The following DSCAML1 variants were observed in gnomAD, a reference collection of about 807,000 sequenced individuals.
The protein encoded by DSCAML1 is DS cell adhesion molecule like 1.
DSCAML1 carries 38 observed loss-of-function variants against 200.5 expected under a neutral mutation model. That is an observed-to-expected ratio of 0.19 (90% CI 0.15 to 0.25). The LOEUF (loss-of-function observed/expected upper bound fraction) is 0.25, where lower values mean the gene tolerates loss of function less well. DSCAML1 is among the 10% of genes least tolerant of loss of function. The pLI, the probability that DSCAML1 is intolerant of heterozygous loss-of-function variation, is 1.00. For missense variants in DSCAML1, 2,223 were observed against 2,858.8 expected, an observed-to-expected ratio of 0.78 and a Z score of 5.07; for synonymous variants, 1,215 against 1,165.0, an observed-to-expected ratio of 1.04 and a Z score of -0.87.
chr11:117,728,943 C>A (rs886585388), intron 3 of DSCAML1, among the ~76,000 whole-genome samples: 2 of 152,144 alleles, frequency 1.3e-5, no homozygotes, highest in African/African-American at 4.8e-5. Context: ...TAAAGAATTG[C>A]AATGGGCTCA....
intron 3 of DSCAML1, among the ~76,000 whole-genome samples, chr11:117,536,281 G>A (rs535813245): frequency 1.3e-5 from 2 of 152,324 alleles, no homozygotes; most frequent in African/African-American, 2.4e-5. Context: ...GGAGAGCGGA[G>A]GGAGGCCCGG....
At chr11:117,619,129 G>C (rs1192557043) in intron 3 of DSCAML1, among the ~76,000 whole-genome samples, 1 of 152,212 alleles carries the variant, frequency 6.6e-6, no homozygotes, top group African/African-American at 2.4e-5. Context: ...CAGCCCATCT[G>C]TTCAGTCCCA....
intron 3 of DSCAML1, among the ~76,000 whole-genome samples, chr11:117,718,097 G>A (rs1209662008): frequency 2.0e-5 from 3 of 152,238 alleles, no homozygotes; most frequent in Admixed American, 6.5e-5. Context: ...CTGCACGTCC[G>A]TGGCAGGCGG....
chr11:117,440,765 C>G (rs1211489079), intron 21 of DSCAML1, among the ~76,000 whole-genome samples: 1 of 151,846 alleles, frequency 6.6e-6, no homozygotes, highest in Non-Finnish European at 1.5e-5. Flanking sequence ...ACTAGAAATA[C>G]AAAAAATTAG....
At chr11:117,690,578 G>A (rs2053477480) in intron 3 of DSCAML1, among the ~76,000 whole-genome samples, 1 of 152,210 alleles carries the variant, frequency 6.6e-6, no homozygotes, top group African/African-American at 2.4e-5. Flanking sequence ...TTACAGACAG[G>A]ACATGAGGTT....
chr11:117,597,036 A>G (rs2051373565), intron 3 of DSCAML1, among the ~76,000 whole-genome samples: 1 of 152,172 alleles, frequency 6.6e-6, no homozygotes, highest in Non-Finnish European at 1.5e-5. Flanking sequence ...ATAAATTTTT[A>G]TTATTATTGG....
chr11:117,459,097 A>G (rs2048429395), intron 18 of DSCAML1, among the ~76,000 whole-genome samples, 188 bp from the exon 19 acceptor site: 1 of 152,200 alleles, frequency 6.6e-6, no homozygotes, highest in Non-Finnish European at 1.5e-5. Flanking sequence ...CCCCCAGGCC[A>G]CGTCTCTCTA....
chr11:117,546,725 G>C (rs966483386), intron 3 of DSCAML1, among the ~76,000 whole-genome samples: 3 of 152,062 alleles, frequency 2.0e-5, no homozygotes, highest in African/African-American at 7.2e-5. Context: ...ATCTGGGGGA[G>C]GGGGTGCAGA....
At chr11:117,606,506 ACT>A (rs1441402121) in intron 3 of DSCAML1, among the ~76,000 whole-genome samples, 11 of 152,144 alleles carry the variant, frequency 7.2e-5, no homozygotes, top group South Asian at 2.1e-4. Flanking sequence ...AAATAAATGC[ACT>A]CTGTTTTTCA....
chr11:117,558,256 G>A (rs185783780), intron 3 of DSCAML1, among the ~76,000 whole-genome samples: 202 of 152,276 alleles, frequency 1.3e-3, no homozygotes, highest in African/African-American at 4.8e-3. Flanking sequence ...GAAATTTCAC[G>A]AAACGTGAGC....
At chr11:117,547,358 C>T (rs947779060) in intron 3 of DSCAML1, among the ~76,000 whole-genome samples, 2 of 152,206 alleles carry the variant, frequency 1.3e-5, no homozygotes, top group African/African-American at 4.8e-5. Flanking sequence ...AGTAGCTGCA[C>T]GGCGGCAGGG....
intron 3 of DSCAML1, among the ~76,000 whole-genome samples, chr11:117,753,879 G>A (rs1293460030): frequency 1.3e-5 from 2 of 152,198 alleles, no homozygotes; most frequent in Non-Finnish European, 2.9e-5. Flanking sequence ...GGACTAGGTT[G>A]TCACTAAGGT....
At chr11:117,460,794 G>C (rs1005585626) in intron 18 of DSCAML1, among the ~76,000 whole-genome samples, 7 of 152,090 alleles carry the variant, frequency 4.6e-5, no homozygotes. Context: ...CCCTTCTCTG[G>C]ATCCCGGGCG....
chr11:117,786,055 G>A (rs2055345681), intron 1 of DSCAML1, among the ~76,000 whole-genome samples: 1 of 152,072 alleles, frequency 6.6e-6, no homozygotes, highest in African/African-American at 2.4e-5. Flanking sequence ...TCCCCTGACA[G>A]AGATTCCTCC....
chr11:117,437,769 C>T lies in DSCAML1; in HGVS notation c.4432+126G>A. The T allele has an allele frequency of 1.8e-6, 2 of 1,085,058 alleles. No individual in the cohort carries two copies. Among genetic ancestry groups the T allele is most frequent in the Non-Finnish European group, 2.6e-6 (2 of 780,574 alleles). The allele number at this position is 1,085,058 out of a possible 1,614,324, so 67.2% of individuals were successfully genotyped here. Reference sequence around the variant, plus strand: ...GGAAGGAGGCTGAGGCTCCTCCCTTCAGTCTCCCTGCATCCCTGGACCCCT... The same window carrying T: ...GGAAGGAGGCTGAGGCTCCTCCCTTTAGTCTCCCTGCATCCCTGGACCCCT... On this transcript the variant is annotated intron_variant, in intron 25 of 32. Coordinates refer to ENST00000651296, the MANE Select transcript of DSCAML1 (RefSeq NM_020693.4). This position sits in a 1 kb window ranked among gnomAD's most constrained non-coding sequence, Gnocchi z 5.3.
chr11:117,785,297 G>A (rs1436435681), intron 1 of DSCAML1, among the ~76,000 whole-genome samples: 1 of 152,188 alleles, frequency 6.6e-6, no homozygotes, highest in African/African-American at 2.4e-5. Context: ...CCATGGGGAG[G>A]GAAGGGGAAA....
At chr11:117,592,133 C>T (rs954750769) in intron 3 of DSCAML1, among the ~76,000 whole-genome samples, 2 of 152,110 alleles carry the variant, frequency 1.3e-5, no homozygotes, top group African/African-American at 4.8e-5. Context: ...GGCCCTAGGA[C>T]ACTTGTCAAT....
chr11:117,580,922 G>C (rs2051027025), intron 3 of DSCAML1, among the ~76,000 whole-genome samples: 1 of 152,220 alleles, frequency 6.6e-6, no homozygotes, highest in African/African-American at 2.4e-5. Context: ...GGACAGGTGA[G>C]AAAGTGGCTA....
intron 11 of DSCAML1, among the ~76,000 whole-genome samples, chr11:117,497,586 G>T (rs2049315318): frequency 6.6e-6 from 1 of 152,242 alleles, no homozygotes; most frequent in South Asian, 2.1e-4. Context: ...CATTGCCATG[G>T]AAATCATCAC....
Sources: allele counts gnomAD v4.1 joint callset (sites outside exome capture counted in the v4.1 genomes callset), GRCh38; gene constraint gnomAD v4.1.1; non-coding constraint Gnocchi (gnomAD v3.1); transcripts MANE v1.5; gene names NCBI Gene and HGNC (gene_info 2026-07-23, HGNC 2026-07-21).